ASIC2: variants seen among roughly 807,000 people sequenced by gnomAD.
ASIC2 encodes the protein acid sensing ion channel subunit 2.
ASIC2 carries 25 observed loss-of-function variants against 57.3 expected under a neutral mutation model. That is an observed-to-expected ratio of 0.44 (90% CI 0.32 to 0.61). The LOEUF (loss-of-function observed/expected upper bound fraction) is 0.61. ASIC2 is among the 20% of genes least tolerant of loss of function. The pLI, the probability that ASIC2 is intolerant of heterozygous loss-of-function variation, is 0.06. For synonymous variants in ASIC2, 319 were observed against 307.5 expected (o/e 1.04, Z -0.39); for missense variants, 641 against 738.1 (o/e 0.87, Z 1.52).
intron 1 of ASIC2, among the ~76,000 whole-genome samples, chr17:33,959,642 A>T (rs964156506): frequency 6.6e-6 from 1 of 152,326 alleles, no homozygotes; most frequent in South Asian, 2.1e-4. Context: ...AGCATGGGAG[A>T]AAGATAAAGG....
At chr17:33,416,210 G>T (rs1362631446) in intron 1 of ASIC2, among the ~76,000 whole-genome samples, 1 of 152,206 alleles carries the variant, frequency 6.6e-6, no homozygotes, top group Non-Finnish European at 1.5e-5. Flanking sequence ...CCCATTTTAT[G>T]AGGCCAGAAT....
intron 1 of ASIC2, among the ~76,000 whole-genome samples, chr17:33,460,387 G>A (rs969758426): frequency 6.6e-6 from 1 of 152,122 alleles, no homozygotes; most frequent in African/African-American, 2.4e-5. Flanking sequence ...AATTAGTGCG[G>A]CCCTTTATTT....
At chr17:33,778,383 C>A (rs1044165530) in intron 1 of ASIC2, among the ~76,000 whole-genome samples, 1 of 152,154 alleles carries the variant, frequency 6.6e-6, no homozygotes, top group South Asian at 2.1e-4. Flanking sequence ...GCTTACCAGG[C>A]TTTGAGAAAC....
intron 1 of ASIC2, among the ~76,000 whole-genome samples, chr17:33,993,787 G>A (rs886510781): frequency 3.9e-5 from 6 of 152,166 alleles, no homozygotes; most frequent in Non-Finnish European, 8.8e-5. Flanking sequence ...ATTCATTTTG[G>A]TCAAGTCACA....
chr17:33,401,377 C>A (rs1043364417), intron 1 of ASIC2, among the ~76,000 whole-genome samples: 1 of 152,128 alleles, frequency 6.6e-6, no homozygotes, highest in Non-Finnish European at 1.5e-5. Context: ...GATCCCTTGC[C>A]ATTGTAGTGT....
At chr17:34,117,952 G>C (rs1043669181) in intron 1 of ASIC2, among the ~76,000 whole-genome samples, 1 of 152,168 alleles carries the variant, frequency 6.6e-6, no homozygotes, top group Non-Finnish European at 1.5e-5. Flanking sequence ...CAGCTCCGCA[G>C]TGCCTTTGAA....
intron 1 of ASIC2, among the ~76,000 whole-genome samples, chr17:33,568,289 C>T (rs1012180711): frequency 1.3e-5 from 2 of 152,242 alleles, no homozygotes; most frequent in African/African-American, 4.8e-5. Flanking sequence ...CAACCATATA[C>T]TGAGCACCTT....
At chr17:33,441,849 T>C (rs1192738748) in intron 1 of ASIC2, among the ~76,000 whole-genome samples, 1 of 152,218 alleles carries the variant, frequency 6.6e-6, no homozygotes, top group Non-Finnish European at 1.5e-5. Flanking sequence ...TGGGTCTTCA[T>C]TTCTGAAGCC....
At chr17:33,033,443 G>T (rs917530724) in intron 3 of ASIC2, among the ~76,000 whole-genome samples, 1 of 152,190 alleles carries the variant, frequency 6.6e-6, no homozygotes, top group Admixed American at 6.5e-5. Flanking sequence ...TGGGAGCCCT[G>T]CCCCTTCCAA....
At chr17:33,064,869 G>A (rs1314107604) in intron 3 of ASIC2, among the ~76,000 whole-genome samples, 1 of 152,138 alleles carries the variant, frequency 6.6e-6, no homozygotes, top group East Asian at 1.9e-4. Flanking sequence ...CTACTTTTCT[G>A]TGTTTTCCAA....
chr17:33,565,050 A>G (rs981973457), intron 1 of ASIC2, among the ~76,000 whole-genome samples: 3 of 152,152 alleles, frequency 2.0e-5, no homozygotes, highest in Non-Finnish European at 4.4e-5. Context: ...CTCAGCTCTG[A>G]AGGCTGTGAG....
At chr17:34,087,382 G>A (rs1192948486) in intron 1 of ASIC2, among the ~76,000 whole-genome samples, 1 of 152,070 alleles carries the variant, frequency 6.6e-6, no homozygotes, top group Non-Finnish European at 1.5e-5. Flanking sequence ...CTCTCTTCTG[G>A]CTTGTAGAGT....
chr17:33,181,706 A>T (rs1212332204), intron 1 of ASIC2, among the ~76,000 whole-genome samples: 1 of 152,132 alleles, frequency 6.6e-6, no homozygotes, highest in Non-Finnish European at 1.5e-5. Context: ...GAGATCCTGA[A>T]CTCAATTCCA....
intron 1 of ASIC2, among the ~76,000 whole-genome samples, chr17:33,868,195 ATGTGTGTG>A (rs3071204): frequency 1.4e-5 from 2 of 139,986 alleles, no homozygotes; most frequent in Non-Finnish European, 3.2e-5. Flanking sequence ...GTGTGTGTGT[ATGTGTGTG>A]TGTGTGTGTG....
At chr17:33,085,024 T>G (rs992564102) in intron 3 of ASIC2, among the ~76,000 whole-genome samples, 1 of 152,240 alleles carries the variant, frequency 6.6e-6, no homozygotes, top group Non-Finnish European at 1.5e-5. Flanking sequence ...ATTTTCACCA[T>G]GCAGAAAGAC....
chr17:33,400,471 A>G (rs1313566818), intron 1 of ASIC2, among the ~76,000 whole-genome samples: 1 of 152,110 alleles, frequency 6.6e-6, no homozygotes, highest in Non-Finnish European at 1.5e-5. Flanking sequence ...TGTTGGCTGG[A>G]GTAGATTTGT....
In ASIC2 at chr17:33,998,645, T is replaced by C. The variant is rs146906481; in HGVS notation, c.555+157333A>G. Among the ~76,000 whole-genome samples the C allele has an allele frequency of 3.3e-4, 50 of 152,192 alleles. 1 individual carries two copies. The highest frequency in any genetic ancestry group is 1.1e-3 in the African/African-American group (44 of 41,460). On this transcript the variant is annotated intron_variant, in intron 1 of 9. Coordinates refer to the ASIC2 transcript ENST00000359872. ...TTTAATCCATTGGTTATTAAGAATG[T>C]GTTGTTTAATTTCCAAATATTTGTG... is the stretch of plus-strand genomic sequence containing the variant.
intron 1 of ASIC2, among the ~76,000 whole-genome samples, chr17:34,021,721 C>G (rs1467229291): frequency 6.6e-6 from 1 of 152,064 alleles, no homozygotes. Flanking sequence ...AGTGTTAGGT[C>G]ACATAGGGAC....
At chr17:34,149,686 G>A (rs1452689817) in intron 1 of ASIC2, among the ~76,000 whole-genome samples, 1 of 152,162 alleles carries the variant, frequency 6.6e-6, no homozygotes, top group African/African-American at 2.4e-5. Flanking sequence ...TTAGCAATGC[G>A]ATATTACCTC....
Sources: gnomAD v4.1 joint callset for allele counts (sites outside exome capture counted in the v4.1 genomes callset) on GRCh38, gnomAD v4.1.1 for gene constraint, MANE v1.5 for transcripts, NCBI Gene and HGNC (gene_info 2026-07-23, HGNC 2026-07-21) for gene names.